Variants in DHRSX observed in about 807,000 individuals in gnomAD.
DHRSX encodes the protein polyprenol dehydrogenase.
Under a neutral mutation model 34.0 loss-of-function variants are expected in DHRSX, and 31 were observed. The observed-to-expected ratio is 0.91, with a 90% CI of 0.69 to 1.23. The LOEUF is 1.23. Ranked by LOEUF, DHRSX falls within the 50% of genes most tolerant of loss-of-function variation. The probability of loss-of-function intolerance (pLI) is 0.00; values close to 1 mark genes in which losing one functional copy is unlikely to be tolerated. For missense variants in DHRSX, 414 were observed against 428.1 expected (o/e 0.97, Z 0.29); for synonymous variants, 201 against 183.8 (o/e 1.09, Z -0.76).
intron 3 of DHRSX, among the ~76,000 whole-genome samples, chrX:2,299,415 G>A (rs1048611442): frequency 6.6e-6 from 1 of 152,102 alleles, no homozygotes; most frequent in Non-Finnish European, 1.5e-5. Context: ...TGATGTCCAC[G>A]CTTCCCGTAG....
At chrX:2,311,892 G>A (rs1400040569) in intron 3 of DHRSX, among the ~76,000 whole-genome samples, 2 of 152,130 alleles carry the variant, frequency 1.3e-5, no homozygotes, top group African/African-American at 2.4e-5. Flanking sequence ...GGGTCTACCT[G>A]TCTGCTGTTT....
At position 2,417,939 on chromosome X, in the gene DHRSX, T is replaced by G. The variant is rs776909762; in HGVS notation, c.217+7258A>C. Among the ~76,000 whole-genome samples, 55 of 151,182 alleles carry G rather than the reference T, an allele frequency of 3.6e-4. No homozygotes were observed. In the South Asian group the frequency reaches 0.01, roughly 28 times the overall value. On this transcript the variant is annotated intron_variant, in intron 2 of 6. Coordinates refer to ENST00000334651, the MANE Select transcript of DHRSX (RefSeq NM_145177.3). ...CAAACTGTACCTTACCATGATCTAA[T>G]ACAACCAAACCTCATCATGACTTAA...
intron 5 of DHRSX, among the ~76,000 whole-genome samples, chrX:2,266,142 T>C (rs1461470142): frequency 7.1e-6 from 1 of 141,100 alleles, no homozygotes; most frequent in African/African-American, 2.7e-5. Flanking sequence ...GGGAGCACTG[T>C]ACCCAGAGCA....
At chrX:2,271,136 A>G (rs2041548296) in intron 4 of DHRSX, among the ~76,000 whole-genome samples, 1 of 152,222 alleles carries the variant, frequency 6.6e-6, no homozygotes, top group Admixed American at 6.5e-5. Flanking sequence ...TATGAGCTGT[A>G]AGACTCACTG....
chrX:2,496,495 G>C (rs184667963), intron 1 of DHRSX, among the ~76,000 whole-genome samples: 8 of 152,100 alleles, frequency 5.3e-5, no homozygotes, highest in African/African-American at 1.9e-4. Context: ...CACCGCACCC[G>C]GCCCGCCAAT....
intron 1 of DHRSX, among the ~76,000 whole-genome samples, chrX:2,454,010 ACATT>A (rs2044262919): frequency 1.3e-5 from 2 of 152,274 alleles, no homozygotes; most frequent in South Asian, 4.1e-4. Flanking sequence ...TTAAAACATT[ACATT>A]GTACCATATA....
In DHRSX at chrX:2,429,670, G is replaced by A. The variant is rs142300936; in HGVS notation, c.110-4366C>T. Among the ~76,000 whole-genome samples the A allele has an allele frequency of 3.4e-3, 515 of 151,862 alleles. 11 individuals carry two copies. Among genetic ancestry groups the A allele is most frequent in the Admixed American group, 0.024 (359 of 15,222 alleles). On this transcript the variant is annotated intron_variant, in intron 1 of 6. Coordinates refer to ENST00000334651, the MANE Select transcript of DHRSX (RefSeq NM_145177.3). ...GGGGTCTTGCTGTGTTGCCCAGACCGGTCTTGATCTCCGGGGCTCAAGTCA... is the reference window on the plus strand; with the variant it reads ...GGGGTCTTGCTGTGTTGCCCAGACCAGTCTTGATCTCCGGGGCTCAAGTCA...
chrX:2,282,874 G>A (rs867230966), intron 4 of DHRSX, among the ~76,000 whole-genome samples: 2 of 143,124 alleles, frequency 1.4e-5, no homozygotes, highest in African/African-American at 2.7e-5. Context: ...AGAGAGAGGG[G>A]GAGAGAGGGA....
chrX:2,318,679 C>T (rs755141139), intron 3 of DHRSX, among the ~76,000 whole-genome samples: 137 of 151,820 alleles, frequency 9.0e-4, no homozygotes, highest in African/African-American at 3.2e-3. Context: ...AACCGCCCAC[C>T]GGCTTCCCAG....
intron 1 of DHRSX, among the ~76,000 whole-genome samples, chrX:2,446,036 T>C (rs184295856): frequency 5.9e-5 from 9 of 151,434 alleles, no homozygotes; most frequent in African/African-American, 2.2e-4. Context: ...ACTAAAGACA[T>C]TCCCTAAGTT....
At chrX:2,271,562 C>G (rs2041554913) in intron 4 of DHRSX, among the ~76,000 whole-genome samples, 1 of 152,178 alleles carries the variant, frequency 6.6e-6, no homozygotes, top group Admixed American at 6.5e-5. Flanking sequence ...AATTTATTCC[C>G]TGAGCTTATG....
intron 3 of DHRSX, among the ~76,000 whole-genome samples, chrX:2,299,271 C>A (rs1445103525): frequency 6.6e-6 from 1 of 152,112 alleles, no homozygotes; most frequent in African/African-American, 2.4e-5. Flanking sequence ...AATCTTAACC[C>A]TAACGGAGTG....
intron 3 of DHRSX, among the ~76,000 whole-genome samples, chrX:2,331,470 G>A (rs112167081): frequency 0.06 from 3,515 of 58,470 alleles, 180 homozygotes; most frequent in African/African-American, 0.12. Context: ...TTTTTGAGAC[G>A]GAGTTTTGCT....
intron 3 of DHRSX, among the ~76,000 whole-genome samples, chrX:2,314,486 G>GAAGGAAGGGAGGAAGGAAGGAAGGGAGGT (rs2042217892): frequency 1.7e-5 from 2 of 118,166 alleles, no homozygotes; most frequent in African/African-American, 1.1e-4. Context: ...AGGAAGGAAG[G>GAAGGAAGGGAGGAAGGAAGGAAGGGAGGT]AAGGGAGGTA....
intron 3 of DHRSX, among the ~76,000 whole-genome samples, chrX:2,320,828 G>A (rs1313753570): frequency 6.6e-6 from 1 of 151,798 alleles, no homozygotes; most frequent in African/African-American, 2.4e-5. Context: ...TGAGAAACAG[G>A]TGCACAATCA....
At chrX:2,391,303 T>G (rs1366396800) in intron 3 of DHRSX, among the ~76,000 whole-genome samples, 2 of 152,132 alleles carry the variant, frequency 1.3e-5, no homozygotes, top group East Asian at 1.9e-4. Context: ...ATAAAGAAAC[T>G]CTCCAGGTCG....
rs371384006 is a variant in DHRSX at position 2,316,770 on chromosome X, G to A, written c.287-25167C>T. 2.5e-4 allele frequency among the ~76,000 whole-genome samples: 38 copies of A among 152,232 alleles called. 2 individuals carry two copies. The East Asian group carries it at 5.6e-3, about 22-fold the overall frequency. ...TTATATCCTACTGCTCAAGGTCATC[G>A]CCAAGATCTGATGGCAAAAATTCAA... is the stretch of plus-strand genomic sequence containing the variant. On this transcript the variant is annotated intron_variant, in intron 3 of 6. Transcript: ENST00000334651.
chrX:2,427,785 G>A (rs2043867962), intron 1 of DHRSX, among the ~76,000 whole-genome samples: 1 of 152,160 alleles, frequency 6.6e-6, no homozygotes, highest in Admixed American at 6.6e-5. Flanking sequence ...AGGCACATAT[G>A]ATCTTTTTCA....
At chrX:2,357,059 G>A (rs945649388) in intron 3 of DHRSX, among the ~76,000 whole-genome samples, 1 of 152,060 alleles carries the variant, frequency 6.6e-6, no homozygotes, top group Non-Finnish European at 1.5e-5. Flanking sequence ...GCCTGACCAA[G>A]ATGGTAAAAC....
Sources: allele counts gnomAD v4.1 joint callset (sites outside exome capture counted in the v4.1 genomes callset), GRCh38; gene constraint gnomAD v4.1.1; transcripts MANE v1.5; gene names NCBI Gene and HGNC (gene_info 2026-07-23, HGNC 2026-07-21).